Variants in NCKAP5 observed in about 807,000 individuals in gnomAD.
NCKAP5 encodes the protein NCK associated protein 5.
NCKAP5 carries 92 observed loss-of-function variants against 167.0 expected under a neutral mutation model. That is an observed-to-expected ratio of 0.55 (90% CI 0.47 to 0.66). NCKAP5 has a LOEUF of 0.66. NCKAP5 is among the 30% of genes least tolerant of loss of function. The pLI, the probability that NCKAP5 is intolerant of heterozygous loss-of-function variation, is 0.00. For missense variants in NCKAP5, 2,378 were observed against 2,315.0 expected (o/e 1.03, Z -0.56); for synonymous variants, 891 against 877.4 (o/e 1.02, Z -0.27).
intron 2 of NCKAP5, among the ~76,000 whole-genome samples, chr2:133,547,761 A>C (rs1167471337): frequency 6.7e-6 from 1 of 149,712 alleles, no homozygotes; most frequent in African/African-American, 2.5e-5. Context: ...AAGTAGATAA[A>C]ACCACAAAGA....
chr2:133,366,577 C>T (rs1685471885), intron 3 of NCKAP5, among the ~76,000 whole-genome samples: 1 of 152,168 alleles, frequency 6.6e-6, no homozygotes, highest in African/African-American at 2.4e-5. Context: ...GCTGGGATTA[C>T]AGGCGTGAGT....
At chr2:133,331,957 T>G (rs1682882050) in intron 3 of NCKAP5, among the ~76,000 whole-genome samples, 1 of 152,192 alleles carries the variant, frequency 6.6e-6, no homozygotes, top group Admixed American at 6.5e-5. Context: ...TTTACACAAG[T>G]GTCAGGAATT....
At chr2:133,286,540 C>T (rs1348403349) in intron 4 of NCKAP5, among the ~76,000 whole-genome samples, 1 of 151,984 alleles carries the variant, frequency 6.6e-6, no homozygotes, top group Non-Finnish European at 1.5e-5. Context: ...GGTATTTTGC[C>T]TAAAGGTTAT....
intron 8 of NCKAP5, among the ~76,000 whole-genome samples, chr2:132,909,640 A>C (rs2148947166): frequency 6.6e-6 from 1 of 152,096 alleles, no homozygotes; most frequent in Non-Finnish European, 1.5e-5. Flanking sequence ...TTGTGTTCTA[A>C]CTCCTCACCA....
chr2:132,772,100 C>T (rs1310816472), intron 16 of NCKAP5, among the ~76,000 whole-genome samples: 1 of 152,026 alleles, frequency 6.6e-6, no homozygotes, highest in African/African-American at 2.4e-5. Context: ...CAGTAACATG[C>T]TGTACAGGCT....
At chr2:133,468,090 T>A (rs1478669404) in intron 3 of NCKAP5, among the ~76,000 whole-genome samples, 1 of 125,478 alleles carries the variant, frequency 8.0e-6, no homozygotes. Flanking sequence ...CTAGTTCTTT[T>A]AATTGTGATG....
At chr2:133,545,911 G>C (rs1686621910) in intron 2 of NCKAP5, among the ~76,000 whole-genome samples, 1 of 152,092 alleles carries the variant, frequency 6.6e-6, no homozygotes, top group Non-Finnish European at 1.5e-5. Flanking sequence ...GTAGAAGATT[G>C]ATACCGTTTG....
intron 3 of NCKAP5, among the ~76,000 whole-genome samples, chr2:133,460,719 A>C (rs1405624024): frequency 6.6e-6 from 1 of 152,162 alleles, no homozygotes; most frequent in Non-Finnish European, 1.5e-5. Flanking sequence ...TAGCACCTAA[A>C]TCAATTAGAG....
At chr2:133,361,167 T>G (rs1685078037) in intron 3 of NCKAP5, among the ~76,000 whole-genome samples, 1 of 152,090 alleles carries the variant, frequency 6.6e-6, no homozygotes, top group Admixed American at 6.6e-5. Flanking sequence ...CCACAACCAA[T>G]GTACCCTACT....
chr2:132,773,842 T>C lies in NCKAP5; in HGVS notation c.5102A>G (p.Asp1701Gly). Reference protein sequence around the residue: ...LQEDEDDAVADSVFQSHIIES... With the variant: ...LQEDEDDAVAGSVFQSHIIES... ...TATGATGTGGCTCTGAAATACAGAA[T>C]CTGCAACTGCATCGTCTTCATCCTC... Residue 1701 changes from aspartate to glycine, a missense_variant, in exon 16 of 20, where the codon GAT becomes GGT. Around this residue, in one of 3 missense-constraint regions of NCKAP5, gnomAD observed 1,325 missense variants for 1,274.5 expected, o/e 1.04. Transcript: ENST00000409261. 9 of 1,611,740 alleles carry C rather than the reference T, an allele frequency of 5.6e-6. No individual in the cohort carries two copies. Among genetic ancestry groups the C allele is most frequent in the Non-Finnish European group, 7.6e-6 (9 of 1,179,218 alleles).
chr2:133,605,536 C>G, the NCKAP5 span, among the ~76,000 whole-genome samples: 1 of 152,194 alleles, frequency 6.6e-6, no homozygotes, highest in Admixed American at 6.5e-5. Flanking sequence ...ATTGATGCAT[C>G]TGCTAACTTG....
At chr2:133,284,045 C>T (rs182156207) in intron 4 of NCKAP5, among the ~76,000 whole-genome samples, 7 of 152,158 alleles carry the variant, frequency 4.6e-5, no homozygotes, top group Admixed American at 4.6e-4. Context: ...GTATTTGTTA[C>T]TTTAAAAGAT....
At chr2:132,754,022 G>A (rs919742512) in intron 16 of NCKAP5, among the ~76,000 whole-genome samples, 2 of 152,212 alleles carry the variant, frequency 1.3e-5, no homozygotes, top group Admixed American at 6.5e-5. Flanking sequence ...TTTCCCACAG[G>A]CTAAGCTAAA....
chr2:132,719,230 G>A (rs1013472741), intron 19 of NCKAP5, among the ~76,000 whole-genome samples: 2 of 152,144 alleles, frequency 1.3e-5, no homozygotes, highest in African/African-American at 4.8e-5. Flanking sequence ...GGCTTTGTGA[G>A]CCTTGTAAGA....
intron 5 of NCKAP5, among the ~76,000 whole-genome samples, chr2:133,212,670 G>A (rs889648437): frequency 6.6e-5 from 10 of 152,282 alleles, no homozygotes; most frequent in Admixed American, 2.0e-4. Flanking sequence ...ACCCAGCCGT[G>A]AATGTTTCTT....
rs796595078 is a variant in NCKAP5 at position 132,988,165 on chromosome 2, G to T, written c.429+5987C>A. ...CTTGAAGTTATTGTTCTGTTCTAAG[G>T]GTTTCACTTGGTTTAGCACATGTTT... On this transcript the variant is annotated intron_variant, in intron 7 of 19. Transcript: ENST00000409261. 5.3e-5 allele frequency among the ~76,000 whole-genome samples: 8 copies of T among 152,058 alleles called. No individual in the cohort carries two copies. The East Asian group carries it at 1.4e-3, about 26-fold the overall frequency.
chr2:132,879,430 T>C (rs1574497932), intron 8 of NCKAP5, among the ~76,000 whole-genome samples: 1 of 152,244 alleles, frequency 6.6e-6, no homozygotes, highest in African/African-American at 2.4e-5. Flanking sequence ...ACTTGAACTA[T>C]ACTTAAGCAT....
intron 6 of NCKAP5, among the ~76,000 whole-genome samples, chr2:133,049,536 C>A: frequency 8.9e-6 from 1 of 112,268 alleles, no homozygotes; most frequent in South Asian, 3.2e-4. Flanking sequence ...CAGAGTGAGA[C>A]TCTGTCTCAA....
chr2:133,117,540 T>G (rs1407349713), intron 6 of NCKAP5: 3 of 152,210 alleles, frequency 2.0e-5, no homozygotes, highest in African/African-American at 4.8e-5. Flanking sequence ...AAAGTCTGGG[T>G]CTGCAGAATC....
Sources: allele counts gnomAD v4.1 joint callset (sites outside exome capture counted in the v4.1 genomes callset), GRCh38; gene constraint gnomAD v4.1.1; regional missense constraint gnomAD v4.1.1; transcripts MANE v1.5; gene names NCBI Gene and HGNC (gene_info 2026-07-23, HGNC 2026-07-21).